PAIP1: variants seen among roughly 807,000 people sequenced by gnomAD.
The protein encoded by PAIP1 is polyadenylate-binding protein-interacting protein 1.
In PAIP1, 16 loss-of-function variants were observed where a neutral mutation model predicts 61.3. The observed-to-expected ratio is 0.26, with a 90% CI of 0.18 to 0.40. The LOEUF (loss-of-function observed/expected upper bound fraction) is 0.40. PAIP1 is among the 10% of genes least tolerant of loss of function. PAIP1 has a pLI of 1.00. For missense variants in PAIP1, 416 were observed against 600.9 expected, an observed-to-expected ratio of 0.69 and a Z score of 3.22; for synonymous variants, 187 against 226.2, an observed-to-expected ratio of 0.83 and a Z score of 1.56.
At chr5:43,533,930 G>C (rs187253747) in intron 8 of PAIP1, 138 bp from the exon 9 acceptor site, 48 of 641,776 alleles carry the variant, frequency 7.5e-5, no homozygotes, top group Non-Finnish European at 1.3e-4. Context: ...CTTCCTGGTA[G>C]CCATTTTCAC....
chr5:43,542,170 G>A (rs1284780802), intron 4 of PAIP1, among the ~76,000 whole-genome samples: 3 of 144,702 alleles, frequency 2.1e-5, no homozygotes, highest in Non-Finnish European at 3.0e-5. Context: ...AGCAAGACTC[G>A]GTCTCGGAAA....
At chr5:43,551,302 T>G (rs931025117) in intron 2 of PAIP1, among the ~76,000 whole-genome samples, 1 of 152,220 alleles carries the variant, frequency 6.6e-6, no homozygotes, top group Non-Finnish European at 1.5e-5. Context: ...CCCAATTTTA[T>G]GTACAAAGAT....
chr5:43,528,604 T>G (rs1318804636), intron 10 of PAIP1, among the ~76,000 whole-genome samples: 1 of 152,200 alleles, frequency 6.6e-6, no homozygotes, highest in African/African-American at 2.4e-5. Flanking sequence ...CCCTGTATTT[T>G]TTTTGTTTTC....
chr5:43,556,524 G>A (rs1483845410), intron 1 of PAIP1, 58 bp downstream of exon 1: 80 of 1,232,638 alleles, frequency 6.5e-5, no homozygotes, highest in Non-Finnish European at 8.0e-5. Context: ...GGCACGCGTG[G>A]AGGGCCGTGG....
intron 4 of PAIP1, among the ~76,000 whole-genome samples, chr5:43,539,443 A>T (rs974438565): frequency 3.7e-5 from 4 of 108,970 alleles, no homozygotes; most frequent in Non-Finnish European, 5.7e-5. Flanking sequence ...TTTGAAAAGG[A>T]TCTTTAAATA....
At chr5:43,555,673 CTT>C (rs1748029069) in intron 2 of PAIP1, among the ~76,000 whole-genome samples, 155 bp downstream of exon 2, 2 of 152,160 alleles carry the variant, frequency 1.3e-5, no homozygotes, top group South Asian at 4.1e-4. Context: ...TCTGAATCAG[CTT>C]TGTTTCCTTC....
At chr5:43,536,749 T>C in intron 6 of PAIP1, 70 bp downstream of exon 6, 1 of 797,968 alleles carries the variant, frequency 1.3e-6, no homozygotes, top group East Asian at 2.5e-5. Flanking sequence ...ATCTGTATAC[T>C]ATATAGACTA....
At chr5:43,557,358 A>G (rs1307474386), upstream of PAIP1, 1 of 152,642 alleles carries the variant, frequency 6.6e-6, no homozygotes, top group African/African-American at 2.4e-5. Flanking sequence ...GGCCCGACCT[A>G]CTCGGTAGTT....
chr5:43,554,747 T>G (rs998654871), intron 2 of PAIP1, among the ~76,000 whole-genome samples: 1 of 152,080 alleles, frequency 6.6e-6, no homozygotes, highest in African/African-American at 2.4e-5. Flanking sequence ...GAATGTACAG[T>G]GGAACAATCT....
At chr5:43,549,137 C>T (rs1747758624) in intron 2 of PAIP1, among the ~76,000 whole-genome samples, 1 of 152,164 alleles carries the variant, frequency 6.6e-6, no homozygotes, top group South Asian at 2.1e-4. Flanking sequence ...GACAGGGTTT[C>T]ACCATGTTGG....
At chr5:43,540,534 T>C (rs1280406792) in intron 4 of PAIP1, among the ~76,000 whole-genome samples, 1 of 152,214 alleles carries the variant, frequency 6.6e-6, no homozygotes, top group African/African-American at 2.4e-5. Context: ...ATGTTTATTT[T>C]GGAAAGGTTA....
At chr5:43,537,533 GT>G (rs1241242764) in intron 5 of PAIP1, among the ~76,000 whole-genome samples, 1 of 152,170 alleles carries the variant, frequency 6.6e-6, no homozygotes, top group Admixed American at 6.5e-5. Flanking sequence ...GGCATAGTAA[GT>G]TAGGCTCTGG....
intron 3 of PAIP1, among the ~76,000 whole-genome samples, chr5:43,544,624 A>G (rs1235119459): frequency 6.6e-6 from 1 of 152,182 alleles, no homozygotes; most frequent in Non-Finnish European, 1.5e-5. Context: ...CTGCAACTTG[A>G]GCATCCCTGT....
intron 5 of PAIP1, among the ~76,000 whole-genome samples, 164 bp downstream of exon 5, chr5:43,538,760 C>G (rs898765159): frequency 6.6e-6 from 1 of 152,220 alleles, no homozygotes; most frequent in Non-Finnish European, 1.5e-5. Context: ...GACAGACGGT[C>G]CAGTAAACCA....
At chr5:43,547,357 G>A (rs1202899394) in intron 3 of PAIP1, among the ~76,000 whole-genome samples, 1 of 152,016 alleles carries the variant, frequency 6.6e-6, no homozygotes, top group Non-Finnish European at 1.5e-5. Context: ...AGTCTTTTCT[G>A]GTACTGCTAA....
intron 2 of PAIP1, among the ~76,000 whole-genome samples, chr5:43,550,552 G>T (rs1747823153): frequency 6.6e-6 from 1 of 152,106 alleles, no homozygotes; most frequent in Non-Finnish European, 1.5e-5. Context: ...ATATGTGATA[G>T]ACACCATAAG....
chr5:43,535,259 A>G (rs34792822), intron 7 of PAIP1, among the ~76,000 whole-genome samples: 2,117 of 152,282 alleles, frequency 0.014, 60 homozygotes, highest in East Asian at 0.13. Flanking sequence ...GACAGTTAAT[A>G]TTTGGATTTT....
At chr5:43,546,457 T>G (rs1307871688) in intron 3 of PAIP1, among the ~76,000 whole-genome samples, 1 of 152,198 alleles carries the variant, frequency 6.6e-6, no homozygotes, top group Non-Finnish European at 1.5e-5. Flanking sequence ...TCCTAACATC[T>G]CAGGTACTTC....
chr5:43,541,703 GAACTATAATAAACT>G (rs1747420543), intron 4 of PAIP1, among the ~76,000 whole-genome samples: 2 of 145,764 alleles, frequency 1.4e-5, no homozygotes, highest in Admixed American at 6.8e-5. Context: ...ACTAATGGAC[GAACTATAATAAACT>G]TGAAGATAAC....
Sources: gnomAD v4.1 joint callset for allele counts (sites outside exome capture counted in the v4.1 genomes callset) on GRCh38, gnomAD v4.1.1 for gene constraint, MANE v1.5 for transcripts, NCBI Gene and HGNC (gene_info 2026-07-23, HGNC 2026-07-21) for gene names.